The following FAM181A variants were observed in gnomAD, a reference collection of about 807,000 sequenced individuals.
FAM181A encodes family with sequence similarity 181 member A, also known as protein FAM181A.
Under a neutral mutation model 16.3 loss-of-function variants are expected in FAM181A, and 7 were observed. The observed-to-expected ratio is 0.43, with a 90% CI of 0.24 to 0.81. The LOEUF is 0.81. Among genes scored for constraint, FAM181A ranks in the 30% least tolerant of loss-of-function variants. The pLI is 0.24. For synonymous variants in FAM181A, 183 were observed against 164.9 expected, an observed-to-expected ratio of 1.11 and a Z score of -0.84; for missense variants, 349 against 377.5, an observed-to-expected ratio of 0.92 and a Z score of 0.63.
chr14:93,918,907 A>G (rs1201168622), upstream of FAM181A: 1 of 152,196 alleles, frequency 6.6e-6, no homozygotes, highest in Admixed American at 6.5e-5. Flanking sequence ...CAAACCCGAG[A>G]TGACAGTTGA....
At chr14:93,919,688 T>C (rs1887652858) in intron 1 of FAM181A, among the ~76,000 whole-genome samples, 1 of 152,102 alleles carries the variant, frequency 6.6e-6, no homozygotes. Flanking sequence ...CCCACGTGGG[T>C]CTTCTTGTTG....
rs767404968 is a variant in FAM181A at position 93,928,765 on chromosome 14, G to A, written c.480G>A (p.Arg160=). 11 of 1,613,870 alleles carry A rather than the reference G, an allele frequency of 6.8e-6. No homozygotes were observed. The highest frequency in any genetic ancestry group is 9.3e-6 in the Non-Finnish European group (11 of 1,179,954). ...GGCTGGAGGGGGGACTGGGCCCCAGGGAGGGACCTCCCTATGAGGGTAAGA... is the reference window on the plus strand; with the variant it reads ...GGCTGGAGGGGGGACTGGGCCCCAGAGAGGGACCTCCCTATGAGGGTAAGA... The part of the protein sequence containing the change: ...HVGLEGGLGP[R]EGPPYEGKKN... Residue 160 remains arginine (R), a synonymous_variant, in exon 2 of 2, where the codon AGG becomes AGA. Coordinates refer to ENST00000556222, the MANE Select transcript of FAM181A (RefSeq NM_001207073.2).
chr14:93,927,244 G>A (rs1427770788), upstream of FAM181A: 5 of 993,610 alleles, frequency 5.0e-6, no homozygotes, highest in African/African-American at 1.7e-5. Context: ...GGGCGCCGCC[G>A]CCTGATTGGG....
chr14:93,927,332 C>T (rs531052435), upstream of FAM181A: 2 of 1,093,530 alleles, frequency 1.8e-6, no homozygotes, highest in Admixed American at 4.8e-5. Flanking sequence ...CCATTCAGCC[C>T]ACTCAAGGGT....
At chr14:93,922,100 C>T (rs1158530861) in intron 1 of FAM181A, 1 of 152,174 alleles carries the variant, frequency 6.6e-6, no homozygotes, top group Non-Finnish European at 1.5e-5. Context: ...ATCTCTTCCC[C>T]TCTCTGGGCC....
chr14:93,925,227 C>A (rs1176522699), upstream of FAM181A: 13 of 1,590,978 alleles, frequency 8.2e-6, no homozygotes, highest in Non-Finnish European at 1.0e-5. Context: ...GCCGTGGGAT[C>A]TCAAGGAAGC....
chr14:93,928,966 C>T lies in FAM181A; in HGVS notation c.681C>T (p.Pro227=), dbSNP rs1052664673. The stretch of plus-strand genomic sequence containing the variant: ...ATGGACAGCCCATCTATCCGGGCCC[C>T]CTGGGGGCACTGCCTCAGAGTCCTG... ...QYHGQPIYPG[P]LGALPQSPVP... is the part of the protein sequence containing the mutation. The change falls in exon 2 of 2, where the codon CCC becomes CCT. Residue 227 remains proline (P), a synonymous_variant. Coordinates refer to ENST00000556222, the MANE Select transcript of FAM181A (RefSeq NM_001207073.2). 5 of 1,613,790 alleles carry T rather than the reference C, an allele frequency of 3.1e-6. No homozygotes were observed. In the African/African-American group the frequency reaches 6.7e-5, roughly 22 times the overall value.
In FAM181A at chr14:93,928,537, C is replaced by A; in HGVS notation, c.252C>A (p.Gly84=). 6.2e-7 allele frequency: 1 copy of A among 1,612,248 alleles called. No individual in the cohort carries two copies. The highest frequency in any genetic ancestry group is 8.5e-7 in the Non-Finnish European group (1 of 1,178,800). ...CCAGGAGGCTGCTCCTGGATTTGGG[C>A]CCTGATTCCAGCCCCGGCGGGGGTG... ...DRPRRLLLDL[G]PDSSPGGGGG... Residue 84 remains glycine (G), a synonymous_variant, in exon 2 of 2, where the codon GGC becomes GGA. Coordinates refer to ENST00000556222, the MANE Select transcript of FAM181A (RefSeq NM_001207073.2).
chr14:93,928,164 T>C, intron 1 of FAM181A, 35 bp from the exon 2 acceptor site: 1 of 1,599,904 alleles, frequency 6.3e-7, no homozygotes, highest in Non-Finnish European at 8.5e-7. Flanking sequence ...GTGTGGTTGC[T>C]TGGAGAGACT....
intron 1 of FAM181A, among the ~76,000 whole-genome samples, chr14:93,921,235 C>G (rs1887711694): frequency 6.6e-6 from 1 of 152,296 alleles, no homozygotes; most frequent in East Asian, 1.9e-4. Context: ...ATCTCTGAAG[C>G]CCGTCTCCCT....
chr14:93,921,360 C>T (rs924603643), intron 1 of FAM181A, among the ~76,000 whole-genome samples: 3 of 152,170 alleles, frequency 2.0e-5, no homozygotes, highest in Admixed American at 6.5e-5. Flanking sequence ...CTGGCTGAGC[C>T]GGCCTGTGAC....
upstream of FAM181A, among the ~76,000 whole-genome samples, chr14:93,923,133 C>T (rs1313468544): frequency 1.3e-5 from 2 of 152,198 alleles, no homozygotes; most frequent in African/African-American, 4.8e-5. Flanking sequence ...CGCCACCACA[C>T]CTAGCTAATT....
chr14:93,923,786 C>G (rs1043986116), upstream of FAM181A: 2 of 152,240 alleles, frequency 1.3e-5, no homozygotes, highest in African/African-American at 4.8e-5. Flanking sequence ...CTTTACAGAA[C>G]TCGGGCTCTG....
Position 93,928,670 on chromosome 14 carries a change from C to G in FAM181A, c.385C>G (p.Pro129Ala). Reference protein sequence around the residue: ...HPEAAQPGQVPMRKRQLPASF... With the variant: ...HPEAAQPGQVAMRKRQLPASF... Reference sequence around the variant, plus strand: ...AGAAGCTGCCCAGCCTGGCCAGGTGCCCATGAGGAAAAGACAGCTGCCCGC... The same window carrying G: ...AGAAGCTGCCCAGCCTGGCCAGGTGGCCATGAGGAAAAGACAGCTGCCCGC... Residue 129 changes from proline (P) to alanine (A), a missense_variant, in exon 2 of 2, where the codon CCC becomes GCC. Transcript: ENST00000556222. 1 of 1,613,936 alleles carries G rather than the reference C, an allele frequency of 6.2e-7. No individual in the cohort carries two copies. Among genetic ancestry groups the G allele is most frequent in the Non-Finnish European group, 8.5e-7 (1 of 1,179,986 alleles).
chr14:93,923,701 A>T (rs1887805425), upstream of FAM181A: 1 of 152,300 alleles, frequency 6.6e-6, no homozygotes, highest in African/African-American at 2.4e-5. Context: ...CCGGTTGGGA[A>T]GGGTCCATCA....
chr14:93,927,815 C>T (rs1887972522), intron 1 of FAM181A, among the ~76,000 whole-genome samples: 1 of 151,994 alleles, frequency 6.6e-6, no homozygotes, highest in Admixed American at 6.5e-5. Context: ...TGCCTCAGCT[C>T]AGAGAATAAA....
chr14:93,919,172 G>C (rs186428515), intron 1 of FAM181A, among the ~76,000 whole-genome samples: 104 of 152,320 alleles, frequency 6.8e-4, no homozygotes, highest in Non-Finnish European at 1.1e-3. Context: ...GAGAGGCAAA[G>C]GCAAGGGAAG....
At chr14:93,921,491 C>T (rs1887722343) in intron 1 of FAM181A, among the ~76,000 whole-genome samples, 1 of 152,248 alleles carries the variant, frequency 6.6e-6, no homozygotes, top group Non-Finnish European at 1.5e-5. Context: ...CTGGTGCCTC[C>T]TGTTCCCAGG....
rs565206801 is a variant in FAM181A at position 93,928,278 on chromosome 14, C to T, written c.-8C>T. On this transcript the variant is annotated 5_prime_UTR_variant, in exon 2 of 2. Transcript: ENST00000556222. ...TCATGGAAAGCCTCGTGCAGTGGCC[C>T]CCTGGTGATGGCATCCGACAGTGAT... The T allele has an allele frequency of 1.9e-6, 3 of 1,613,798 alleles. No individual in the cohort carries two copies. The highest frequency in any genetic ancestry group is 2.2e-5 in the East Asian group (1 of 44,882).
Sources: gnomAD v4.1 joint callset for allele counts (sites outside exome capture counted in the v4.1 genomes callset) on GRCh38, gnomAD v4.1.1 for gene constraint, MANE v1.5 for transcripts, NCBI Gene and HGNC (gene_info 2026-07-23, HGNC 2026-07-21) for gene names.